Variants in BORA observed in about 807,000 individuals in gnomAD.
The protein encoded by BORA is BORA aurora kinase A activator, also known as protein aurora borealis.
BORA carries 26 observed loss-of-function variants against 55.8 expected under a neutral mutation model. The observed-to-expected ratio is 0.47, with a 90% CI of 0.34 to 0.65. The LOEUF is 0.65. Ranked by LOEUF, BORA falls within the 30% of genes least tolerant of loss-of-function variation. The probability of loss-of-function intolerance (pLI) is 0.01; values close to 1 mark genes in which losing one functional copy is unlikely to be tolerated. For synonymous variants in BORA, 201 were observed against 216.9 expected (o/e 0.93, Z 0.64); for missense variants, 568 against 671.5 (o/e 0.85, Z 1.70).
chr13:72,728,817 G>A, intron 1 of BORA, 109 bp from the exon 2 acceptor site: 3 of 935,696 alleles, frequency 3.2e-6, no homozygotes, highest in Non-Finnish European at 3.1e-6. Context: ...AAGAGTGTGA[G>A]GTTTTGAGTT....
chr13:72,743,672 A>G, intron 6 of BORA, 70 bp downstream of exon 6: 2 of 1,162,750 alleles, frequency 1.7e-6, no homozygotes, highest in Non-Finnish European at 2.5e-6. Flanking sequence ...AACCCAGTTC[A>G]GGTAGTAACA....
chr13:72,730,907 A>AAC (rs2032799391), intron 2 of BORA, among the ~76,000 whole-genome samples: 1 of 55,070 alleles, frequency 1.8e-5, no homozygotes. Flanking sequence ...AAAAAAAAAA[A>AAC]AAATACAAAA....
chr13:72,753,921 T>C (rs2033356760), intron 11 of BORA, 100 bp downstream of exon 11: 3 of 1,189,044 alleles, frequency 2.5e-6, no homozygotes, highest in Non-Finnish European at 3.5e-6. Context: ...CTATATGAAA[T>C]TTAAAACACT....
At chr13:72,728,823 G>T in intron 1 of BORA, 103 bp from the exon 2 acceptor site, 1 of 1,007,780 alleles carries the variant, frequency 9.9e-7, no homozygotes, top group South Asian at 2.0e-5. Context: ...GTGAGGTTTT[G>T]AGTTGTTTTT....
At position 72,749,519 on chromosome 13, in the gene BORA, TA is replaced by T. The variant is rs1244111850; in HGVS notation, c.1482+2411del. 2.5e-3 allele frequency among the ~76,000 whole-genome samples: 343 copies of T among 137,730 alleles called. 1 individual carries two copies. The highest frequency in any genetic ancestry group is 8.3e-3 in the African/African-American group (312 of 37,682). 90.4% of individuals were successfully genotyped at this position (137,730 alleles called of 152,430 possible). On this transcript the variant is annotated intron_variant, in intron 10 of 11. Transcript: ENST00000390667. ...CAATTTCTAAAAATCTTTTTTTTTT[TA>T]AATCTCCTTTTTTGAATTTTTGGGC...
chr13:72,729,273 T>A (rs1305888185), intron 2 of BORA, among the ~76,000 whole-genome samples, 180 bp downstream of exon 2: 2 of 115,446 alleles, frequency 1.7e-5, no homozygotes, highest in East Asian at 5.4e-4. Flanking sequence ...GGTTAATAAG[T>A]TAGCTAGAAG....
At chr13:72,738,896 G>A (rs1433214595) in intron 5 of BORA, among the ~76,000 whole-genome samples, 1 of 152,162 alleles carries the variant, frequency 6.6e-6, no homozygotes, top group Non-Finnish European at 1.5e-5. Flanking sequence ...AAAGATGAGA[G>A]CATTTGTCCA....
chr13:72,751,820 A>G (rs1031135063), intron 10 of BORA, among the ~76,000 whole-genome samples: 1 of 152,240 alleles, frequency 6.6e-6, no homozygotes, highest in African/African-American at 2.4e-5. Context: ...TATTGTAAAC[A>G]TATCAAAATA....
chr13:72,750,362 G>A (rs2033242179), intron 10 of BORA, among the ~76,000 whole-genome samples: 1 of 152,192 alleles, frequency 6.6e-6, no homozygotes, highest in African/African-American at 2.4e-5. Flanking sequence ...AAGAAGTAAT[G>A]AAATAACGTG....
intron 10 of BORA, among the ~76,000 whole-genome samples, chr13:72,750,522 A>G (rs1280499384): frequency 1.3e-5 from 2 of 152,152 alleles, no homozygotes; most frequent in African/African-American, 2.4e-5. Flanking sequence ...AATTTTTGCA[A>G]TCAGACCTTG....
In BORA at chr13:72,744,538, A is replaced by C; in HGVS notation, c.488A>C (p.Asp163Ala). The C allele has an allele frequency of 6.2e-7, 1 of 1,609,808 alleles. No individual in the cohort carries two copies. Among genetic ancestry groups the C allele is most frequent in the Non-Finnish European group, 8.5e-7 (1 of 1,177,280 alleles). ...ACQTLLSLPV[D>A]FNLENILGDY... ...CAGACATTGCTGTCTCTTCCTGTGG[A>C]TTTTAATTTAGAAAATATATTAGGT... is the stretch of plus-strand genomic sequence containing the variant. Residue 163 changes from aspartate to alanine, a missense_variant, in exon 7 of 12, where the codon GAT (aspartate) becomes GCT (alanine). Coordinates refer to ENST00000390667, the MANE Select transcript of BORA (RefSeq NM_024808.5).
chr13:72,755,967 AGT>A lies in BORA; in HGVS notation c.*753_*754del. On this transcript the variant is annotated 3_prime_UTR_variant, in exon 12 of 12. Coordinates refer to ENST00000390667, the MANE Select transcript of BORA (RefSeq NM_024808.5). ...AGAATGTGGGAGAACCAAGAGAAAA[AGT>A]GGGGCTGGGAGAGTGGAGTTCCCGT... 2.5e-6 allele frequency: 1 copy of A among 398,618 alleles called. No individual in the cohort carries two copies. Among genetic ancestry groups the A allele is most frequent in the East Asian group, 3.6e-5 (1 of 28,070 alleles). The allele number at this position is 398,618 out of a possible 1,614,324, so 24.7% of individuals were successfully genotyped here.
chr13:72,731,691 T>C (rs2032821473), intron 3 of BORA, among the ~76,000 whole-genome samples: 1 of 152,246 alleles, frequency 6.6e-6, no homozygotes, highest in East Asian at 1.9e-4. Flanking sequence ...TTTGCACTTT[T>C]CTACATGGTT....
intron 10 of BORA, chr13:72,752,793 T>C (rs139977097): frequency 1.1e-4 from 17 of 152,290 alleles, no homozygotes; most frequent in African/African-American, 3.8e-4. Flanking sequence ...GTGCCGTTTC[T>C]AGGCTAGTCT....
intron 5 of BORA, among the ~76,000 whole-genome samples, chr13:72,739,345 T>A (rs1176016033): frequency 1.3e-5 from 2 of 152,180 alleles, no homozygotes; most frequent in African/African-American, 2.4e-5. Flanking sequence ...TTAGACTCTT[T>A]GAAATCTAAT....
At chr13:72,732,834 T>C (rs939231019) in intron 3 of BORA, among the ~76,000 whole-genome samples, 1 of 152,202 alleles carries the variant, frequency 6.6e-6, no homozygotes, top group South Asian at 2.1e-4. Flanking sequence ...ATATATTGAA[T>C]GATGGACAAT....
rs139239703 is a variant in BORA at position 72,753,716 on chromosome 13, T to C, written c.1509T>C (p.Asn503=). 2.5e-6 allele frequency: 4 copies of C among 1,613,270 alleles called. No homozygotes were observed. The highest frequency in any genetic ancestry group is 3.4e-6 in the Non-Finnish European group (4 of 1,179,672). ...IQMDSGYNTQ[N]CGSNIMDTVG... is the part of the protein sequence containing the mutation. ...TGGATAGTGGCTATAATACGCAGAA[T>C]TGTGGAAGCAATATTATGGATACAG... Residue 503 remains asparagine (N), a synonymous_variant, in exon 11 of 12, where the codon AAT becomes AAC. Coordinates refer to ENST00000390667, the MANE Select transcript of BORA (RefSeq NM_024808.5).
chr13:72,737,907 C>T (rs894549444), intron 4 of BORA, 55 bp from the exon 5 acceptor site: 13 of 1,142,016 alleles, frequency 1.1e-5, no homozygotes, highest in South Asian at 7.4e-5. Context: ...ACACAGGTAC[C>T]GTCTCACATT....
intron 3 of BORA, among the ~76,000 whole-genome samples, chr13:72,731,857 G>C (rs532381288): frequency 3.9e-5 from 6 of 152,088 alleles, no homozygotes; most frequent in African/African-American, 1.4e-4. Flanking sequence ...GCAACAGAGC[G>C]GTTTTTTAGA....
Sources: gnomAD v4.1 joint callset for allele counts (sites outside exome capture counted in the v4.1 genomes callset) on GRCh38, gnomAD v4.1.1 for gene constraint, MANE v1.5 for transcripts, NCBI Gene and HGNC (gene_info 2026-07-23, HGNC 2026-07-21) for gene names.